Variants in ALDH4A1 observed in about 807,000 individuals in gnomAD.
ALDH4A1 encodes the protein delta-1-pyrroline-5-carboxylate dehydrogenase, mitochondrial.
In ALDH4A1, 46 loss-of-function variants were observed where a neutral mutation model predicts 70.5. That is an observed-to-expected ratio of 0.65 (90% CI 0.51 to 0.83). The LOEUF (loss-of-function observed/expected upper bound fraction) is 0.83. Among genes scored for constraint, ALDH4A1 ranks in the 40% least tolerant of loss-of-function variants. The probability of loss-of-function intolerance (pLI) is 0.00; values close to 1 mark genes in which losing one functional copy is unlikely to be tolerated. For synonymous variants in ALDH4A1, 323 were observed against 324.3 expected, an observed-to-expected ratio of 1.00 and a Z score of 0.04; for missense variants, 749 against 766.5, an observed-to-expected ratio of 0.98 and a Z score of 0.27.
intron 7 of ALDH4A1, 146 bp downstream of exon 7, chr1:18,882,978 C>T: frequency 9.2e-7 from 1 of 1,087,332 alleles, no homozygotes; most frequent in Admixed American, 1.9e-5. Context: ...GTCCCAAAGC[C>T]TACCCACAGC....
chr1:18,881,638 C>G, intron 8 of ALDH4A1, 62 bp downstream of exon 8: 1 of 648,938 alleles, frequency 1.5e-6, no homozygotes, highest in South Asian at 2.3e-5. Flanking sequence ...CCCAGGCAGA[C>G]AGCAGGTGAG....
At chr1:18,885,341 T>C (rs1935149872) in intron 5 of ALDH4A1, 132 bp downstream of exon 5, 1 of 876,210 alleles carries the variant, frequency 1.1e-6, no homozygotes, top group Non-Finnish European at 1.8e-6. Context: ...CCTTGTCCCT[T>C]GAGGACATCT....
chr1:18,882,774 C>G (rs1236505712), intron 7 of ALDH4A1: 1 of 591,704 alleles, frequency 1.7e-6, no homozygotes, highest in Non-Finnish European at 3.3e-6. Context: ...AACAGAGCCA[C>G]CAACACTCAG....
chr1:18,881,928 A>AACAGCCC, intron 7 of ALDH4A1, 41 bp from the exon 8 acceptor site: 1 of 1,579,158 alleles, frequency 6.3e-7, no homozygotes, highest in Non-Finnish European at 8.6e-7. Flanking sequence ...GGATGGCGCC[A>AACAGCCC]CCAGCCCCCA....
intron 7 of ALDH4A1, among the ~76,000 whole-genome samples, chr1:18,882,305 G>T (rs774300136): frequency 6.6e-6 from 1 of 152,070 alleles, no homozygotes; most frequent in Non-Finnish European, 1.5e-5. Context: ...CACCGTGTTT[G>T]TCTGTGCACA....
intron 11 of ALDH4A1, 24 bp from the exon 12 acceptor site, chr1:18,876,491 G>A: frequency 6.4e-7 from 1 of 1,562,018 alleles, no homozygotes; most frequent in Admixed American, 1.9e-5. Flanking sequence ...GGAGGAGGGA[G>A]GTCTAAGAGG....
At chr1:18,895,482 G>A (rs1044194994) in intron 1 of ALDH4A1, among the ~76,000 whole-genome samples, 1 of 152,172 alleles carries the variant, frequency 6.6e-6, no homozygotes, top group African/African-American at 2.4e-5. Context: ...GCAAGTACTG[G>A]GATCCGATCC....
intron 8 of ALDH4A1, among the ~76,000 whole-genome samples, chr1:18,879,817 G>A (rs993114155): frequency 8.5e-5 from 13 of 152,284 alleles, no homozygotes; most frequent in South Asian, 8.3e-4. Flanking sequence ...CAAGCCCAGC[G>A]CCCAGGCCTG....
intron 1 of ALDH4A1, among the ~76,000 whole-genome samples, chr1:18,900,297 A>G (rs1252145105): frequency 6.6e-6 from 1 of 152,262 alleles, no homozygotes; most frequent in East Asian, 1.9e-4. Flanking sequence ...CACGTAGGAC[A>G]CTGAGGGATG....
In ALDH4A1 at chr1:18,883,171, T is replaced by TA; in HGVS notation, c.630dup (p.Asn211Ter). 1.2e-6 allele frequency: 2 copies of TA among 1,613,150 alleles called. No homozygotes were observed. Among genetic ancestry groups the TA allele is most frequent in the Non-Finnish European group, 1.7e-6 (2 of 1,180,038 alleles). On this transcript the variant is annotated frameshift_variant, in exon 7 of 15. Transcript: ENST00000375341. LOFTEE classifies it high-confidence loss of function. ...AGGTTGCCGCCGATTGCAGTGAAGT[T>TA]AAAGGGCGAGATGGCCGCCACGAAG...
chr1:18,875,645 G>A (rs1327237803), intron 12 of ALDH4A1, 142 bp from the exon 13 acceptor site: 1 of 1,343,700 alleles, frequency 7.4e-7, no homozygotes, highest in African/African-American at 1.5e-5. Context: ...GAAGGGTCAG[G>A]TGTCGCCTCC....
chr1:18,872,467 T>G lies in ALDH4A1; in HGVS notation c.*378A>C. 5.3e-6 allele frequency: 1 copy of G among 189,284 alleles called. No individual in the cohort carries two copies. The highest frequency in any genetic ancestry group is 2.3e-5 in the African/African-American group (1 of 42,928). The allele number at this position is 189,284 out of a possible 1,614,324, so 11.7% of individuals were successfully genotyped here. The stretch of plus-strand genomic sequence containing the variant: ...GATCAAGGCCAGGAGCCTCTGTGAG[T>G]GGTGAGGTTTGCCAAGGGGCCCAGA... On this transcript the variant is annotated 3_prime_UTR_variant, in exon 15 of 15. Transcript: ENST00000375341.
chr1:18,878,747 A>G (rs1934838051), intron 9 of ALDH4A1, among the ~76,000 whole-genome samples: 1 of 152,106 alleles, frequency 6.6e-6, no homozygotes, highest in Non-Finnish European at 1.5e-5. Flanking sequence ...GGAGGAGTCC[A>G]TTTTGCTTTA....
At chr1:18,891,057 C>T (rs1347464999) in intron 1 of ALDH4A1, among the ~76,000 whole-genome samples, 2 of 152,204 alleles carry the variant, frequency 1.3e-5, no homozygotes, top group Non-Finnish European at 2.9e-5. Flanking sequence ...ATCCTCTGAC[C>T]TCTTTCCACC....
chr1:18,900,985 T>G (rs547129247), intron 1 of ALDH4A1: 32 of 894,220 alleles, frequency 3.6e-5, no homozygotes, highest in Non-Finnish European at 4.2e-5. Context: ...AGGGTTTTCC[T>G]ATGCATTTCT....
intron 2 of ALDH4A1, 71 bp from the exon 3 acceptor site, chr1:18,889,525 GA>G: frequency 7.3e-7 from 1 of 1,377,356 alleles, no homozygotes; most frequent in South Asian, 1.2e-5. Flanking sequence ...CCCTAACGCA[GA>G]GTCCACAGAC....
intron 12 of ALDH4A1, 23 bp downstream of exon 12, chr1:18,876,292 C>T (rs1230517029): frequency 5.0e-6 from 8 of 1,612,798 alleles, no homozygotes; most frequent in Non-Finnish European, 5.9e-6. Flanking sequence ...TCCTCTGGAC[C>T]CCAGGCTGCC....
rs767048232 is a variant in ALDH4A1 at position 18,871,862 on chromosome 1, C to G, written c.*983G>C. 1 of 152,306 alleles carries G rather than the reference C, an allele frequency of 6.6e-6. No individual in the cohort carries two copies. The allele number at this position is 152,306 out of a possible 1,614,324, so 9.4% of individuals were successfully genotyped here. On this transcript the variant is annotated 3_prime_UTR_variant, in exon 15 of 15. Coordinates refer to ENST00000375341, the MANE Select transcript of ALDH4A1 (RefSeq NM_003748.4). ...TGGGCCAGTGAGGGACTGGTCCACA[C>G]AGAGCCACTCCCAGGCAGAGGAGGA...
chr1:18,874,346 C>T (rs1332456144), intron 14 of ALDH4A1, 117 bp downstream of exon 14: 1 of 990,550 alleles, frequency 1.0e-6, no homozygotes, highest in Non-Finnish European at 1.6e-6. Context: ...TTGCTTGGCC[C>T]ACAATAAGTG....
Sources: allele counts gnomAD v4.1 joint callset (sites outside exome capture counted in the v4.1 genomes callset), GRCh38; gene constraint gnomAD v4.1.1; transcripts MANE v1.5; gene names NCBI Gene and HGNC (gene_info 2026-07-23, HGNC 2026-07-21).